Variants in MACROD2 observed in about 807,000 individuals in gnomAD.
MACROD2 encodes mono-ADP ribosylhydrolase 2.
In MACROD2, 36 loss-of-function variants were observed where a neutral mutation model predicts 70.4. The ratio of observed to expected loss-of-function variants is 0.51; its 90% CI spans 0.39 to 0.68. The LOEUF (loss-of-function observed/expected upper bound fraction) is 0.68. MACROD2 is among the 30% of genes least tolerant of loss of function. The pLI, the probability that MACROD2 is intolerant of heterozygous loss-of-function variation, is 0.00. For missense variants in MACROD2, 496 were observed against 538.4 expected, an observed-to-expected ratio of 0.92 and a Z score of 0.78; for synonymous variants, 172 against 178.8, an observed-to-expected ratio of 0.96 and a Z score of 0.30.
At chr20:14,654,021 C>G (rs1046527432) in intron 4 of MACROD2, among the ~76,000 whole-genome samples, 1 of 152,102 alleles carries the variant, frequency 6.6e-6, no homozygotes, top group African/African-American at 2.4e-5. Context: ...AAATAAATTA[C>G]TTGTACCCCA....
At chr20:16,045,420 G>T (rs1185625043) in intron 17 of MACROD2, among the ~76,000 whole-genome samples, 2 of 152,112 alleles carry the variant, frequency 1.3e-5, no homozygotes, top group African/African-American at 2.4e-5. Flanking sequence ...CAAGGAAAAT[G>T]ACTTTATTCC....
At chr20:14,643,801 C>T (rs1025532689) in intron 4 of MACROD2, among the ~76,000 whole-genome samples, 4 of 152,124 alleles carry the variant, frequency 2.6e-5, no homozygotes, top group African/African-American at 9.7e-5. Flanking sequence ...AGCCTCAGCT[C>T]ATGCCACAGT....
chr20:15,859,286 A>T (rs1337908138), intron 8 of MACROD2, among the ~76,000 whole-genome samples: 3 of 152,108 alleles, frequency 2.0e-5, no homozygotes, highest in Non-Finnish European at 4.4e-5. Flanking sequence ...GAGGAAGCAG[A>T]AGAGGCAGGC....
rs531805386 is a variant in MACROD2 at position 15,152,724 on chromosome 20, G to A, written c.419-77216G>A. ...CTAAGGGTGAAGGACCAAAGCAGGC[G>A]TCCCTGCGTGGACTGACACCTCTGA... is the stretch of plus-strand genomic sequence containing the variant. On this transcript the variant is annotated intron_variant, in intron 5 of 17. Transcript: ENST00000684519. Among the ~76,000 whole-genome samples the A allele has an allele frequency of 5.7e-4, 86 of 152,106 alleles. 2 individuals carry two copies. Among genetic ancestry groups the A allele is most frequent in the Admixed American group, 4.6e-3 (71 of 15,292 alleles).
At chr20:14,369,085 T>G (rs2122740465) in intron 3 of MACROD2, among the ~76,000 whole-genome samples, 1 of 152,332 alleles carries the variant, frequency 6.6e-6, no homozygotes, top group Non-Finnish European at 1.5e-5. Context: ...AACTCTTTAG[T>G]TCTTCTGCCT....
At chr20:14,190,069 T>G (rs1332010795) in intron 3 of MACROD2, among the ~76,000 whole-genome samples, 2 of 152,128 alleles carry the variant, frequency 1.3e-5, no homozygotes, top group Non-Finnish European at 2.9e-5. Context: ...GCTCTTGAGG[T>G]GACAAAAAGG....
intron 3 of MACROD2, among the ~76,000 whole-genome samples, chr20:14,178,244 G>C (rs1478882489): frequency 6.6e-6 from 1 of 152,066 alleles, no homozygotes; most frequent in African/African-American, 2.4e-5. Flanking sequence ...TGAGGTGATG[G>C]ATAAAGTAGC....
At chr20:15,549,764 G>A (rs1600574177) in intron 8 of MACROD2, among the ~76,000 whole-genome samples, 1 of 152,028 alleles carries the variant, frequency 6.6e-6, no homozygotes, top group African/African-American at 2.4e-5. Flanking sequence ...TTACCACTTA[G>A]CATATTCCCT....
intron 3 of MACROD2, among the ~76,000 whole-genome samples, chr20:14,290,473 G>A (rs1303827153): frequency 6.6e-6 from 1 of 151,866 alleles, no homozygotes. Context: ...GATCAAAAGG[G>A]ATGGAATCTC....
At chr20:15,717,380 T>C (rs10485541) in intron 8 of MACROD2, among the ~76,000 whole-genome samples, 12,752 of 152,228 alleles carry the variant, frequency 0.084, 696 homozygotes, top group Middle Eastern at 0.16. Context: ...ACAGTGTATA[T>C]GAAAGAGGTG....
chr20:14,166,484 A>G (rs1278625764), intron 3 of MACROD2, among the ~76,000 whole-genome samples: 2 of 152,184 alleles, frequency 1.3e-5, no homozygotes, highest in African/African-American at 2.4e-5. Context: ...TCAGGGATTC[A>G]AATATTACTT....
intron 6 of MACROD2, among the ~76,000 whole-genome samples, chr20:15,369,150 G>C (rs916010618): frequency 6.6e-6 from 1 of 151,896 alleles, no homozygotes; most frequent in Non-Finnish European, 1.5e-5. Context: ...TTTAATGAAC[G>C]GATACTAAGT....
chr20:15,954,903 A>G (rs1402372836), intron 12 of MACROD2, among the ~76,000 whole-genome samples: 1 of 152,194 alleles, frequency 6.6e-6, no homozygotes, highest in Non-Finnish European at 1.5e-5. Flanking sequence ...TTACCATCCC[A>G]CTTTACAAAT....
rs1322751959 is a variant in MACROD2 at position 15,392,839 on chromosome 20, T to C, written c.541-38566T>C. 3.9e-5 allele frequency among the ~76,000 whole-genome samples: 6 copies of C among 152,132 alleles called. No homozygotes were observed. In the South Asian group the frequency reaches 6.2e-4, roughly 16 times the overall value. ...TATTTTTTCCTTCTAGAGTAAATAG[T>C]ATTAGAAAAATTAGTTTCTGCTTTT... On this transcript the variant is annotated intron_variant, in intron 6 of 17. Coordinates refer to ENST00000684519, the MANE Select transcript of MACROD2 (RefSeq NM_001351661.2).
At chr20:15,086,683 T>A (rs988903557) in intron 5 of MACROD2, among the ~76,000 whole-genome samples, 1 of 152,202 alleles carries the variant, frequency 6.6e-6, no homozygotes, top group Non-Finnish European at 1.5e-5. Context: ...AAGTATCTTG[T>A]AGGGCTTATG....
intron 4 of MACROD2, among the ~76,000 whole-genome samples, chr20:14,618,235 A>C (rs955258518): frequency 2.0e-5 from 3 of 152,116 alleles, no homozygotes; most frequent in African/African-American, 7.2e-5. Flanking sequence ...GGAATTCAAA[A>C]TAGCAGTTGC....
intron 6 of MACROD2, among the ~76,000 whole-genome samples, chr20:15,234,324 G>C (rs175296): frequency 0.27 from 40,659 of 150,700 alleles, 5,599 homozygotes; most frequent in Middle Eastern, 0.31. Flanking sequence ...GAGCCACCGC[G>C]CCCGGCCTAT....
At chr20:15,887,963 G>A (rs1276794053) in intron 10 of MACROD2, among the ~76,000 whole-genome samples, 1 of 152,150 alleles carries the variant, frequency 6.6e-6, no homozygotes, top group African/African-American at 2.4e-5. Context: ...AGTGGCTACA[G>A]TATTGGACAA....
chr20:15,204,798 T>G (rs1474135630), intron 5 of MACROD2, among the ~76,000 whole-genome samples: 1 of 152,114 alleles, frequency 6.6e-6, no homozygotes, highest in Non-Finnish European at 1.5e-5. Context: ...TCAGAGAATT[T>G]CTATACTAGA....
Sources: gnomAD v4.1 joint callset for allele counts (sites outside exome capture counted in the v4.1 genomes callset) on GRCh38, gnomAD v4.1.1 for gene constraint, MANE v1.5 for transcripts, NCBI Gene and HGNC (gene_info 2026-07-23, HGNC 2026-07-21) for gene names.